ZNF91: variants seen among roughly 807,000 people sequenced by gnomAD.
ZNF91 encodes the protein zinc finger protein 91 (HPF7, HTF10).
In ZNF91, 7 loss-of-function variants were observed where a neutral mutation model predicts 12.6. The observed-to-expected ratio is 0.55, with a 90% confidence interval of 0.31 to 1.04. The LOEUF is 1.04. Ranked by LOEUF, ZNF91 falls within the 50% of genes least tolerant of loss-of-function variation. The pLI is 0.05. For missense variants in ZNF91, 1,217 were observed against 1,385.4 expected (o/e 0.88, Z 1.93); for synonymous variants, 453 against 462.6 (o/e 0.98, Z 0.27).
At chr19:23,388,753 A>G (rs886279624) in intron 1 of ZNF91, among the ~76,000 whole-genome samples, 5 of 152,106 alleles carry the variant, frequency 3.3e-5, no homozygotes, top group African/African-American at 1.2e-4. Context: ...GGCACCTGTA[A>G]TCCCAAGCTA....
At chr19:23,362,761 A>C in intron 3 of ZNF91, 36 bp from the exon 4 acceptor site, 1 of 1,378,384 alleles carries the variant, frequency 7.3e-7, no homozygotes, top group Non-Finnish European at 9.4e-7. Context: ...AAATTACTCC[A>C]CTCACCTAGA....
chr19:23,323,599 CTTTTCCTCCTCCTT>C (rs1201293819), intron 1 of ZNF91, among the ~76,000 whole-genome samples: 1 of 141,568 alleles, frequency 7.1e-6, no homozygotes, highest in African/African-American at 2.8e-5. Flanking sequence ...CCTTTTCCTT[CTTTTCCTCCTCCTT>C]TTCTCTTCTC....
chr19:23,382,279 T>C (rs1363559374), intron 1 of ZNF91, among the ~76,000 whole-genome samples: 2 of 152,196 alleles, frequency 1.3e-5, no homozygotes, highest in Non-Finnish European at 2.9e-5. Context: ...CTCCTGGACA[T>C]CTAAATTTTG....
chr19:23,327,121 T>C (rs1379693572), intron 1 of ZNF91: 1 of 152,216 alleles, frequency 6.6e-6, no homozygotes, highest in East Asian at 1.9e-4. Flanking sequence ...ATTCTCTTTA[T>C]TCCATAATTC....
chr19:23,360,401 C>A lies in ZNF91; in HGVS notation c.2578G>T (p.Gly860Cys), dbSNP rs768194895. 2.5e-6 allele frequency: 4 copies of A among 1,614,064 alleles called. No individual in the cohort carries two copies. Among genetic ancestry groups the A allele is most frequent in the Middle Eastern group, 1.7e-4 (1 of 6,056 alleles). Residue 860 changes from glycine to cysteine, a missense_variant, in exon 4 of 4, where the codon GGC (glycine) becomes TGC (cysteine). Physicochemically the swap from Gly to Cys is radical, Grantham distance 159 (BLOSUM62 -3). Around this residue, in one of 2 missense-constraint regions of ZNF91, gnomAD observed 491 missense variants for 489.8 expected, o/e 1.00. Transcript: ENST00000300619. ...TTTGAAGATTGATTAAAAGCTTTGC[C>A]ACATTCCTCACATTTGTAGAGTTTC... Reference protein sequence around the residue: ...GEKLYKCEECGKAFNQSSNLT... With the variant: ...GEKLYKCEECCKAFNQSSNLT...
chr19:23,354,304 G>A (rs538847072), downstream of ZNF91, among the ~76,000 whole-genome samples: 76 of 152,082 alleles, frequency 5.0e-4, no homozygotes, highest in South Asian at 0.012. Flanking sequence ...ATGCAGGGAT[G>A]GTTTAACACA....
chr19:23,324,545 A>G (rs1488685815), intron 1 of ZNF91: 2 of 150,978 alleles, frequency 1.3e-5, no homozygotes, highest in African/African-American at 4.9e-5. Context: ...GTATATACAT[A>G]TGTATGTATA....
At chr19:23,372,332 T>C (rs1031672611) in intron 3 of ZNF91, among the ~76,000 whole-genome samples, 1 of 152,172 alleles carries the variant, frequency 6.6e-6, no homozygotes, top group African/African-American at 2.4e-5. Flanking sequence ...GGTTCACACC[T>C]GTAATGACAG....
rs201908460 is a variant in ZNF91, at chr19:23,360,627, G to A, written c.2352C>T (p.Thr784=). Residue 784 remains threonine (T), a synonymous_variant, in exon 4 of 4, where the codon ACC becomes ACT. Transcript: ENST00000300619. ...ECGKAFIWSS[T]LTRHKRIHTG... is the part of the protein sequence containing the mutation. ...TGTGTATCCTCTTATGTCTAGTTAG[G>A]GTTGAAGACCATATAAATGCTTTGC... 2.8e-5 allele frequency: 45 copies of A among 1,613,628 alleles called. No homozygotes were observed. The highest frequency in any genetic ancestry group is 5.3e-5 in the African/African-American group (4 of 74,886).
At chr19:23,366,750 G>T (rs1969030242) in intron 3 of ZNF91, among the ~76,000 whole-genome samples, 1 of 152,218 alleles carries the variant, frequency 6.6e-6, no homozygotes, top group South Asian at 2.1e-4. Flanking sequence ...TGATTACCAA[G>T]AGGATGGTGC....
At chr19:23,320,481 T>C (rs552573309) in intron 1 of ZNF91, among the ~76,000 whole-genome samples, 1 of 152,310 alleles carries the variant, frequency 6.6e-6, no homozygotes, top group Admixed American at 6.5e-5. Flanking sequence ...AAATTTATAA[T>C]CATGGCAGAA....
chr19:23,345,924 G>A (rs926262340), intron 3 of ZNF91, among the ~76,000 whole-genome samples: 2 of 151,854 alleles, frequency 1.3e-5, no homozygotes, highest in African/African-American at 4.8e-5. Flanking sequence ...TCCACTGCCT[G>A]TTAACTCAAC....
downstream of ZNF91, among the ~76,000 whole-genome samples, chr19:23,335,875 G>T (rs1967999194): frequency 2.0e-5 from 3 of 152,162 alleles, no homozygotes; most frequent in Non-Finnish European, 2.9e-5. Flanking sequence ...AGTTGGAAAT[G>T]CAGAAATCAC....
intron 3 of ZNF91, among the ~76,000 whole-genome samples, chr19:23,348,266 T>C (rs892916393): frequency 1.6e-4 from 25 of 152,200 alleles, no homozygotes; most frequent in African/African-American, 5.3e-4. Flanking sequence ...TTTGAAATCA[T>C]GTATGGCTGA....
chr19:23,386,111 A>C (rs994396946), intron 1 of ZNF91, among the ~76,000 whole-genome samples: 1 of 152,150 alleles, frequency 6.6e-6, no homozygotes, highest in African/African-American at 2.4e-5. Context: ...GCTAACCAGG[A>C]AGGTGAAAGA....
intron 1 of ZNF91, among the ~76,000 whole-genome samples, chr19:23,317,050 T>C (rs888104959): frequency 3.3e-5 from 5 of 151,822 alleles, no homozygotes; most frequent in African/African-American, 1.2e-4. Flanking sequence ...TCTTTTCTTT[T>C]CTTTTTTTTT....
At chr19:23,382,049 CAAAAAAAA>C (rs60814223) in intron 1 of ZNF91, among the ~76,000 whole-genome samples, 1 of 79,394 alleles carries the variant, frequency 1.3e-5, no homozygotes, top group Non-Finnish European at 2.7e-5. Context: ...AATCCTGAGA[CAAAAAAAA>C]AAAAAAAAAA....
chr19:23,357,260 T>C (rs1031671035), downstream of ZNF91, among the ~76,000 whole-genome samples: 4 of 129,288 alleles, frequency 3.1e-5, no homozygotes, highest in Middle Eastern at 3.7e-3. Flanking sequence ...AACAAACAAT[T>C]AAGCAAACAA....
chr19:23,369,220 G>T (rs1161037885), intron 3 of ZNF91, among the ~76,000 whole-genome samples: 2 of 152,052 alleles, frequency 1.3e-5, no homozygotes, highest in African/African-American at 2.4e-5. Context: ...TGAGGCAGGA[G>T]AATCGCTTGA....
Sources: gnomAD v4.1 joint callset for allele counts (sites outside exome capture counted in the v4.1 genomes callset) on GRCh38, gnomAD v4.1.1 for gene constraint, gnomAD v4.1.1 regional missense constraint, MANE v1.5 for transcripts, NCBI Gene and HGNC (gene_info 2026-07-23, HGNC 2026-07-21) for gene names.